PCSK5: variants seen among roughly 807,000 people sequenced by gnomAD.
The protein encoded by PCSK5 is proprotein convertase subtilisin/kexin type 5, also known as prohormone convertase 5.
A neutral mutation model predicts 233.2 loss-of-function variants in PCSK5; 129 were observed. The observed-to-expected ratio is 0.55, with a 90% CI of 0.48 to 0.64. PCSK5 has a LOEUF of 0.64. PCSK5 is among the 30% of genes least tolerant of loss of function. The pLI is 0.00. For synonymous variants in PCSK5, 825 were observed against 879.2 expected (o/e 0.94, Z 1.09); for missense variants, 2,076 against 2,430.1 (o/e 0.85, Z 3.06).
Position 76,202,646 on chromosome 9 carries a change from C to T in PCSK5, c.2626+12900C>T, listed in dbSNP as rs1257721052. Among the ~76,000 whole-genome samples, 27 of 152,110 alleles carry T rather than the reference C, an allele frequency of 1.8e-4. 1 individual carries two copies. The highest frequency in any genetic ancestry group is 1.8e-3 in the Admixed American group (27 of 15,260). ...AGAACACCCCCACACATCACTCCCC[C>T]TCCTTTAATGTTATCTCACCCGAAT... is the stretch of plus-strand genomic sequence containing the variant. On this transcript the variant is annotated intron_variant, in intron 20 of 37. Coordinates refer to ENST00000674117, the MANE Select transcript of PCSK5 (RefSeq NM_001372043.1).
intron 21 of PCSK5, among the ~76,000 whole-genome samples, chr9:76,232,361 T>A (rs916133687): frequency 5.3e-5 from 8 of 152,310 alleles, no homozygotes; most frequent in African/African-American, 1.9e-4. Flanking sequence ...AACCTCACAA[T>A]TGATACAATA....
chr9:76,188,968 G>GAAAAAGCATGAATATTA, intron 18 of PCSK5, 126 bp from the exon 19 acceptor site: 2 of 851,174 alleles, frequency 2.3e-6, no homozygotes, highest in Admixed American at 6.3e-5. Flanking sequence ...GGGAAATCAA[G>GAAAAAGCATGAATATTA]AAAAAGCATG....
In PCSK5 at chr9:76,354,142, A is replaced by G; in HGVS notation, c.5177A>G (p.Asp1726Gly). ...CPANLVLHMD[D>G]SHCLHCCNTS... ...GCCAACCTGGTGCTGCACATGGACG[A>G]CAGCCACTGCCTCCACTGCTGCAAC... Residue 1726 changes from aspartate to glycine, a missense_variant, in exon 37 of 38, where the codon GAC becomes GGC. This residue lies in a region of PCSK5 where 1,510 missense variants were observed against 1,538.1 expected (regional missense o/e 0.98). Coordinates refer to ENST00000674117, the MANE Select transcript of PCSK5 (RefSeq NM_001372043.1). The G allele has an allele frequency of 1.3e-6, 2 of 1,597,614 alleles. No homozygotes were observed. Among genetic ancestry groups the G allele is most frequent in the African/African-American group, 2.7e-5 (2 of 74,796 alleles).
At chr9:76,322,042 C>A in intron 31 of PCSK5, among the ~76,000 whole-genome samples, 1 of 152,062 alleles carries the variant, frequency 6.6e-6, no homozygotes, top group Non-Finnish European at 1.5e-5. Flanking sequence ...TTCTGCCTCC[C>A]ATGTTTAAGC....
chr9:76,060,479 G>T (rs1471697701), intron 5 of PCSK5, among the ~76,000 whole-genome samples: 1 of 152,114 alleles, frequency 6.6e-6, no homozygotes, highest in Admixed American at 6.5e-5. Flanking sequence ...GAAGAGGAAG[G>T]GTTGGTCTTG....
chr9:76,073,765 C>T (rs1029895574), intron 7 of PCSK5, among the ~76,000 whole-genome samples: 5 of 152,104 alleles, frequency 3.3e-5, no homozygotes, highest in African/African-American at 1.2e-4. Context: ...GCTGGTTTTA[C>T]TAACAGACTA....
intron 1 of PCSK5, among the ~76,000 whole-genome samples, chr9:75,930,020 G>A (rs1823708125): frequency 6.6e-6 from 1 of 152,008 alleles, no homozygotes; most frequent in Non-Finnish European, 1.5e-5. Context: ...GTGCTACCAC[G>A]CCCAGCTGAT....
chr9:76,178,121 G>A (rs927533675), intron 14 of PCSK5, among the ~76,000 whole-genome samples: 7 of 152,140 alleles, frequency 4.6e-5, no homozygotes, highest in Admixed American at 3.9e-4. Flanking sequence ...CCAAGGGACT[G>A]TGAGATCACA....
chr9:76,138,388 C>G, intron 10 of PCSK5, among the ~76,000 whole-genome samples: 1 of 152,074 alleles, frequency 6.6e-6, no homozygotes, highest in East Asian at 1.9e-4. Context: ...TTTTGACCAG[C>G]TCCATTTGGG....
At chr9:76,292,133 T>C (rs1237008000) in intron 24 of PCSK5, 100 bp from the exon 25 acceptor site, 3 of 738,948 alleles carry the variant, frequency 4.1e-6, no homozygotes. Flanking sequence ...CATGAAACTA[T>C]CCCACAGGAT....
At chr9:76,216,654 G>A (rs1454315432) in intron 20 of PCSK5, among the ~76,000 whole-genome samples, 1 of 152,094 alleles carries the variant, frequency 6.6e-6, no homozygotes, top group African/African-American at 2.4e-5. Flanking sequence ...ATTTAGTATT[G>A]GGGGTCAAAG....
chr9:76,199,630 G>A (rs554982899), intron 20 of PCSK5, among the ~76,000 whole-genome samples: 50 of 152,214 alleles, frequency 3.3e-4, no homozygotes, highest in East Asian at 9.7e-4. Context: ...GGGGTGGGGC[G>A]TGGAAGGGCA....
At chr9:76,323,014 C>G in intron 31 of PCSK5, 38 bp from the exon 32 acceptor site, 1 of 538,808 alleles carries the variant, frequency 1.9e-6, no homozygotes, top group Non-Finnish European at 2.7e-6. Flanking sequence ...CTTTCTCCTA[C>G]CCCCCGGGGA....
rs544344603 is a variant in PCSK5, at chr9:76,351,946, C to T, written c.5067+1018C>T. On this transcript the variant is annotated intron_variant, in intron 36 of 37. Transcript: ENST00000674117. ...GTTGGGGGTTCCCTCGCTATTGTCACTTCTGTGGTCACCAGAAAGATGCTA... is the reference window on the plus strand; with the variant it reads ...GTTGGGGGTTCCCTCGCTATTGTCATTTCTGTGGTCACCAGAAAGATGCTA... 2.6e-5 allele frequency among the ~76,000 whole-genome samples: 4 copies of T among 152,234 alleles called. No homozygotes were observed. The East Asian group carries it at 7.7e-4, about 29-fold the overall frequency.
At chr9:75,976,275 CA>C (rs1554668134) in intron 2 of PCSK5, among the ~76,000 whole-genome samples, 3 of 1,212 alleles carry the variant, frequency 2.5e-3, no homozygotes, top group Non-Finnish European at 8.7e-3. Context: ...ACACAGACAC[CA>C]CACACACACA....
At chr9:75,960,292 A>C (rs1029495659) in intron 2 of PCSK5, among the ~76,000 whole-genome samples, 1 of 152,208 alleles carries the variant, frequency 6.6e-6, no homozygotes, top group Non-Finnish European at 1.5e-5. Context: ...GGAGAACTGA[A>C]GGGGAAATAA....
chr9:76,134,631 G>A (rs1018785613), intron 10 of PCSK5, among the ~76,000 whole-genome samples: 1 of 151,900 alleles, frequency 6.6e-6, no homozygotes, highest in Non-Finnish European at 1.5e-5. Flanking sequence ...AGTTGCTAAG[G>A]CCATGCATTC....
chr9:76,222,400 G>A (rs1825755421), intron 20 of PCSK5, among the ~76,000 whole-genome samples: 1 of 151,886 alleles, frequency 6.6e-6, no homozygotes, highest in Non-Finnish European at 1.5e-5. Context: ...GTAGTTCTGT[G>A]GCATTAAATA....
chr9:76,282,365 T>G lies in PCSK5; in HGVS notation c.3143-9868T>G, dbSNP rs567502372. Among the ~76,000 whole-genome samples, 37 of 148,968 alleles carry G rather than the reference T, an allele frequency of 2.5e-4. 1 individual carries two copies. Among genetic ancestry groups the G allele is most frequent in the African/African-American group, 9.2e-4 (37 of 40,222 alleles). On this transcript the variant is annotated intron_variant, in intron 24 of 37. Transcript: ENST00000674117. ...CTTTTCTTCTGTCTTTTTTTTTTTT[T>G]CGAGACAGGGTTTTTGCAATCTTGA...
Sources: gnomAD v4.1 joint callset for allele counts (sites outside exome capture counted in the v4.1 genomes callset) on GRCh38, gnomAD v4.1.1 for gene constraint, gnomAD v4.1.1 regional missense constraint, MANE v1.5 for transcripts, NCBI Gene and HGNC (gene_info 2026-07-23, HGNC 2026-07-21) for gene names.